The following SAXO1 variants were observed in gnomAD, a reference collection of about 807,000 sequenced individuals.
SAXO1 encodes the protein 4930500O09Rik.
In SAXO1, 21 loss-of-function variants were observed where a neutral mutation model predicts 17.5. That is an observed-to-expected ratio of 1.20 (90% CI 0.85 to 1.72). SAXO1 has a LOEUF of 1.72. Among genes scored for constraint, SAXO1 ranks in the 40% most tolerant of loss-of-function variants. SAXO1 has a pLI of 0.00. For synonymous variants in SAXO1, 274 were observed against 216.5 expected, an observed-to-expected ratio of 1.27 and a Z score of -2.33; for missense variants, 843 against 596.0, an observed-to-expected ratio of 1.41 and a Z score of -4.32.
chr9:18,943,911 C>T (rs1831684692), intron 2 of SAXO1, among the ~76,000 whole-genome samples: 1 of 152,208 alleles, frequency 6.6e-6, no homozygotes, highest in Non-Finnish European at 1.5e-5. Context: ...TCTGCAGTTA[C>T]TCTGACCAAG....
chr9:18,966,427 T>C (rs978505215), intron 1 of SAXO1, among the ~76,000 whole-genome samples: 1 of 152,166 alleles, frequency 6.6e-6, no homozygotes, highest in African/African-American at 2.4e-5. Flanking sequence ...TCTTGAAGGG[T>C]TTGTTTTTTC....
chr9:19,048,558 T>G (rs1452767640), intron 1 of SAXO1, among the ~76,000 whole-genome samples: 3 of 152,254 alleles, frequency 2.0e-5, no homozygotes, highest in Non-Finnish European at 4.4e-5. Flanking sequence ...GATTCACTCA[T>G]CTACTTGAAG....
chr9:19,035,852 C>G (rs570798941), upstream of SAXO1, among the ~76,000 whole-genome samples: 1 of 152,006 alleles, frequency 6.6e-6, no homozygotes, highest in South Asian at 2.1e-4. Context: ...ATCTGGCAGA[C>G]GAAACTTCTA....
rs536785969 is a variant in SAXO1, at chr9:19,013,835, C to G, written c.38+19036G>C. On this transcript the variant is annotated intron_variant, in intron 1 of 3. Transcript: ENST00000380534. The stretch of plus-strand genomic sequence containing the variant: ...GTGTTAGGATTACAGGTGTGAGGCG[C>G]CACGCCCAGCCCAGATATTTAAAAC... Among the ~76,000 whole-genome samples, 49 of 152,200 alleles carry G rather than the reference C, an allele frequency of 3.2e-4. 1 individual carries two copies. In the South Asian group the frequency reaches 0.01, roughly 32 times the overall value.
chr9:18,971,173 G>A (rs555441542), intron 1 of SAXO1, among the ~76,000 whole-genome samples: 22 of 152,248 alleles, frequency 1.4e-4, no homozygotes, highest in South Asian at 1.0e-3. Context: ...AGCAAGTGGC[G>A]GAGCAAGATG....
At chr9:18,970,663 G>C (rs933333290) in intron 1 of SAXO1, among the ~76,000 whole-genome samples, 49 of 152,236 alleles carry the variant, frequency 3.2e-4, no homozygotes, top group African/African-American at 1.2e-3. Context: ...ACTTGAGTGG[G>C]GCCAAAAGGC....
chr9:18,988,716 T>C (rs962622317), intron 1 of SAXO1, among the ~76,000 whole-genome samples: 2 of 152,236 alleles, frequency 1.3e-5, no homozygotes, highest in Admixed American at 6.5e-5. Flanking sequence ...ATTACAGTGA[T>C]GTAAATTGCT....
At chr9:19,008,012 G>A (rs956464273) in intron 1 of SAXO1, among the ~76,000 whole-genome samples, 3 of 149,788 alleles carry the variant, frequency 2.0e-5, no homozygotes, top group African/African-American at 7.4e-5. Flanking sequence ...CTGTCACCCA[G>A]TCTGGAGTAC....
intron 1 of SAXO1, among the ~76,000 whole-genome samples, chr9:19,008,680 G>T (rs1275777849): frequency 6.6e-6 from 1 of 152,130 alleles, no homozygotes; most frequent in African/African-American, 2.4e-5. Context: ...ATACTTCTGT[G>T]AGGTCTCCTT....
upstream of SAXO1, among the ~76,000 whole-genome samples, chr9:19,034,360 C>G (rs1373247192): frequency 6.6e-6 from 1 of 151,628 alleles, no homozygotes; most frequent in Admixed American, 6.6e-5. Context: ...TTGACTCTAT[C>G]TGGCCATTGA....
chr9:19,039,945 T>C (rs1836037004), intron 1 of SAXO1, among the ~76,000 whole-genome samples: 1 of 152,202 alleles, frequency 6.6e-6, no homozygotes, highest in South Asian at 2.1e-4. Flanking sequence ...GCCAGGCTGG[T>C]TCTGAACTCC....
chr9:19,045,080 G>C (rs1401546216), intron 1 of SAXO1, among the ~76,000 whole-genome samples: 2 of 151,500 alleles, frequency 1.3e-5, no homozygotes, highest in Non-Finnish European at 2.9e-5. Context: ...GGAGGCCGAG[G>C]CGGGTGGATC....
intron 1 of SAXO1, among the ~76,000 whole-genome samples, chr9:18,989,114 A>G (rs998428820): frequency 7.2e-5 from 11 of 152,202 alleles, no homozygotes; most frequent in African/African-American, 2.7e-4. Flanking sequence ...CACTCCTATC[A>G]TCTATCATTA....
At chr9:18,968,019 C>G (rs903209983) in intron 1 of SAXO1, among the ~76,000 whole-genome samples, 1 of 152,194 alleles carries the variant, frequency 6.6e-6, no homozygotes, top group Non-Finnish European at 1.5e-5. Flanking sequence ...CAACCCCTTA[C>G]GCTTCCTGGG....
Position 19,032,986 on chromosome 9 carries a change from T to C in SAXO1, c.-78A>G. ...GACTCCTAGACCCCAACCACCTGTC[T>C]TGGGGCACGCCCAGGCTCGAGGGTC... On this transcript the variant is annotated 5_prime_UTR_variant, in exon 1 of 4. Coordinates refer to ENST00000380534, the MANE Select transcript of SAXO1 (RefSeq NM_153707.4). The C allele has an allele frequency of 2.7e-6, 4 of 1,472,132 alleles. No homozygotes were observed. The highest frequency in any genetic ancestry group is 3.7e-6 in the Non-Finnish European group (4 of 1,094,228). 91.2% of individuals were successfully genotyped at this position (1,472,132 alleles called of 1,614,324 possible).
intron 1 of SAXO1, among the ~76,000 whole-genome samples, chr9:19,045,800 A>G (rs761506151): frequency 3.3e-5 from 5 of 152,242 alleles, no homozygotes; most frequent in Non-Finnish European, 1.5e-5. Context: ...ATCACTGAAC[A>G]AATAAGGAAA....
chr9:18,975,541 G>A (rs1321305239), intron 1 of SAXO1, among the ~76,000 whole-genome samples: 2 of 152,216 alleles, frequency 1.3e-5, no homozygotes, highest in South Asian at 2.1e-4. Flanking sequence ...ACAGGTGGCA[G>A]TTATGATTTG....
chr9:18,949,716 C>G (rs963357576), intron 2 of SAXO1, among the ~76,000 whole-genome samples: 10 of 152,150 alleles, frequency 6.6e-5, no homozygotes, highest in Non-Finnish European at 1.0e-4. Context: ...TGGAGAAAAC[C>G]TGAAGGCAGA....
intron 1 of SAXO1, among the ~76,000 whole-genome samples, chr9:19,001,600 G>A (rs527881358): frequency 1.3e-4 from 19 of 151,380 alleles, no homozygotes; most frequent in Admixed American, 8.6e-4. Flanking sequence ...CCGGGAGGCG[G>A]AGCTTGCACT....
Sources: gnomAD v4.1 joint callset for allele counts (sites outside exome capture counted in the v4.1 genomes callset) on GRCh38, gnomAD v4.1.1 for gene constraint, MANE v1.5 for transcripts, NCBI Gene and HGNC (gene_info 2026-07-23, HGNC 2026-07-21) for gene names.